CMTM6: variants seen among roughly 807,000 people sequenced by gnomAD.
The protein encoded by CMTM6 is CKLF-like MARVEL transmembrane domain-containing protein 6.
In CMTM6, 5 loss-of-function variants were observed where a neutral mutation model predicts 13.6. The ratio of observed to expected loss-of-function variants is 0.37; its 90% confidence interval spans 0.19 to 0.77. The LOEUF (loss-of-function observed/expected upper bound fraction) is 0.77. Ranked by LOEUF, CMTM6 falls within the 30% of genes least tolerant of loss-of-function variation. The pLI is 0.50. For synonymous variants in CMTM6, 99 were observed against 84.5 expected (o/e 1.17, Z -0.94); for missense variants, 196 against 218.6 (o/e 0.90, Z 0.65).
At chr3:32,496,581 C>G (rs1417374581) in intron 1 of CMTM6, among the ~76,000 whole-genome samples, 3 of 152,108 alleles carry the variant, frequency 2.0e-5, no homozygotes. Flanking sequence ...GAGTAATAAG[C>G]TCAATGTACA....
chr3:32,498,662 G>C, intron 1 of CMTM6, among the ~76,000 whole-genome samples: 1 of 142,666 alleles, frequency 7.0e-6, no homozygotes, highest in South Asian at 2.2e-4. Context: ...GCAGTGGCAC[G>C]ATCTTGGCTC....
At chr3:32,487,097 G>GT (rs1380367698) in intron 3 of CMTM6, among the ~76,000 whole-genome samples, 1 of 152,048 alleles carries the variant, frequency 6.6e-6, no homozygotes, top group East Asian at 1.9e-4. Flanking sequence ...GGACAAGCAA[G>GT]TTTTTTTTCT....
chr3:32,483,983 G>C lies in CMTM6; in HGVS notation c.529C>G (p.Leu177Val). Residue 177 changes from leucine to valine, a missense_variant, in exon 4 of 4, where the codon CTC becomes GTC. By Grantham distance (32) the Leu-to-Val change is conservative. Around this residue, in one of 2 missense-constraint regions of CMTM6, gnomAD observed 111 missense variants for 160.0 expected, o/e 0.69. Coordinates refer to ENST00000205636, the MANE Select transcript of CMTM6 (RefSeq NM_017801.3). Reference protein sequence around the residue: ...KPENTTRAEALTEPLNA With the variant: ...KPENTTRAEAVTEPLNA ...CTTTAGGCATTAAGTGGCTCAGTGAGGGCTTCAGCCCTAGTGGTATTTTCA... is the reference window on the plus strand; with the variant it reads ...CTTTAGGCATTAAGTGGCTCAGTGACGGCTTCAGCCCTAGTGGTATTTTCA... 1.2e-6 allele frequency: 2 copies of C among 1,607,764 alleles called. No individual in the cohort carries two copies.
At chr3:32,484,949 G>A (rs1336542642) in intron 3 of CMTM6, among the ~76,000 whole-genome samples, 1 of 151,578 alleles carries the variant, frequency 6.6e-6, no homozygotes. Flanking sequence ...TTACCACAAA[G>A]TAAACTGAGC....
intron 2 of CMTM6, 33 bp from the exon 3 acceptor site, chr3:32,488,069 A>G (rs1288651493): frequency 1.5e-6 from 2 of 1,365,138 alleles, no homozygotes; most frequent in Non-Finnish European, 2.1e-6. Flanking sequence ...AAAGGAATAC[A>G]ATACAGTTAG....
chr3:32,493,783 C>T (rs755880726), intron 1 of CMTM6, among the ~76,000 whole-genome samples: 2 of 152,168 alleles, frequency 1.3e-5, no homozygotes, highest in Middle Eastern at 3.2e-3. Flanking sequence ...ATCAAGAGTG[C>T]TAAATGCTAC....
intron 1 of CMTM6, among the ~76,000 whole-genome samples, chr3:32,498,728 C>T (rs1055768810): frequency 2.0e-5 from 3 of 151,266 alleles, no homozygotes; most frequent in East Asian, 1.9e-4. Flanking sequence ...TACAGGTGCA[C>T]GCCACAATAC....
At position 32,491,974 on chromosome 3, in the gene CMTM6, C is replaced by G. The variant is rs940055676; in HGVS notation, c.139-88G>C. 50 of 1,069,674 alleles carry G rather than the reference C, an allele frequency of 4.7e-5. 1 individual carries two copies. In the Middle Eastern group the frequency reaches 1.7e-3, roughly 36 times the overall value. 66.3% of individuals were successfully genotyped at this position (1,069,674 alleles called of 1,614,324 possible). ...GCTGTTTCTGAATAATACGTTTACT[C>G]AAATATTTACAATGAGGAGACTATG... On this transcript the variant is annotated intron_variant, in intron 1 of 3. Transcript: ENST00000205636.
rs1697173148 is a variant in CMTM6, at chr3:32,483,404, G to T, written c.*556C>A. Reference sequence around the variant, plus strand: ...TATCCAAAAATATTATAACATTTAAGGCTGAGTGAAATACAGTAAAGCCTG... The same window carrying T: ...TATCCAAAAATATTATAACATTTAATGCTGAGTGAAATACAGTAAAGCCTG... On this transcript the variant is annotated 3_prime_UTR_variant, in exon 4 of 4. Transcript: ENST00000205636. The T allele has an allele frequency of 6.6e-6, 1 of 152,372 alleles. No individual in the cohort carries two copies. The highest frequency in any genetic ancestry group is 1.9e-4 in the East Asian group (1 of 5,202). 9.4% of individuals were successfully genotyped at this position (152,372 alleles called of 1,614,324 possible). A position where few individuals can be genotyped will look rare whatever the true frequency, so the allele number is the denominator to read the frequency against.
chr3:32,497,567 G>A (rs1310531789), intron 1 of CMTM6, among the ~76,000 whole-genome samples: 1 of 144,682 alleles, frequency 6.9e-6, no homozygotes, highest in African/African-American at 2.6e-5. Context: ...AAAGAAAAAA[G>A]TGTAAAAGTT....
chr3:32,485,907 T>TCA (rs1156877733), intron 3 of CMTM6, among the ~76,000 whole-genome samples: 1 of 152,220 alleles, frequency 6.6e-6, no homozygotes, highest in Non-Finnish European at 1.5e-5. Context: ...AGATGGAGTC[T>TCA]CACTCTGTCA....
At chr3:32,486,496 G>A (rs1019900077) in intron 3 of CMTM6, among the ~76,000 whole-genome samples, 1 of 152,024 alleles carries the variant, frequency 6.6e-6, no homozygotes, top group African/African-American at 2.4e-5. Context: ...GGGTACTGTC[G>A]CAGGCCCTCA....
chr3:32,490,892 A>T (rs1697245537), intron 2 of CMTM6, among the ~76,000 whole-genome samples: 3 of 152,216 alleles, frequency 2.0e-5, no homozygotes, highest in African/African-American at 7.2e-5. Flanking sequence ...CTATAAATCA[A>T]CCAGCTCAGA....
chr3:32,486,873 C>G (rs958611478), intron 3 of CMTM6, among the ~76,000 whole-genome samples: 1 of 152,200 alleles, frequency 6.6e-6, no homozygotes, highest in Non-Finnish European at 1.5e-5. Context: ...AGCACCTCCC[C>G]ACTCTCTCTA....
intron 1 of CMTM6, among the ~76,000 whole-genome samples, chr3:32,495,542 G>A (rs1697283189): frequency 6.6e-6 from 1 of 152,094 alleles, no homozygotes; most frequent in Non-Finnish European, 1.5e-5. Context: ...ATATACCTCG[G>A]TTGTATAAAA....
intron 3 of CMTM6, among the ~76,000 whole-genome samples, chr3:32,484,959 C>T (rs1019549660): frequency 1.6e-4 from 25 of 152,106 alleles, no homozygotes; most frequent in Admixed American, 4.6e-4. Context: ...GTAAACTGAG[C>T]TCCAAATTCA....
chr3:32,500,597 G>A (rs1005355032), intron 1 of CMTM6, among the ~76,000 whole-genome samples: 2 of 152,140 alleles, frequency 1.3e-5, no homozygotes, highest in Non-Finnish European at 2.9e-5. Flanking sequence ...GAATGATGGA[G>A]AACTAATAAT....
In CMTM6 at chr3:32,483,967, T is replaced by G. The variant is rs1697179749; in HGVS notation, c.545A>C (p.Asn182Thr). The change falls in exon 4 of 4, where the codon AAT becomes ACT. Residue 182 changes from asparagine to threonine, a missense_variant. This residue lies in a region of CMTM6 where 111 missense variants were observed against 160.0 expected (regional missense o/e 0.69). Coordinates refer to ENST00000205636, the MANE Select transcript of CMTM6 (RefSeq NM_017801.3). ...ATCTGCTCCCCAGAGTCTTTAGGCA[T>G]TAAGTGGCTCAGTGAGGGCTTCAGC... ...TRAEALTEPLNA is the reference protein window; with the variant it reads ...TRAEALTEPLTA 1 of 1,601,942 alleles carries G rather than the reference T, an allele frequency of 6.2e-7. No homozygotes were observed. Among genetic ancestry groups the G allele is most frequent in the African/African-American group, 1.3e-5 (1 of 74,286 alleles).
intron 1 of CMTM6, among the ~76,000 whole-genome samples, chr3:32,495,158 C>T (rs1181989612): frequency 6.6e-6 from 1 of 152,118 alleles, no homozygotes; most frequent in Non-Finnish European, 1.5e-5. Flanking sequence ...ATCCCCACAA[C>T]TGCAAAGAAT....
Sources: allele counts gnomAD v4.1 joint callset (sites outside exome capture counted in the v4.1 genomes callset), GRCh38; gene constraint gnomAD v4.1.1; regional missense constraint gnomAD v4.1.1; transcripts MANE v1.5; gene names NCBI Gene and HGNC (gene_info 2026-07-23, HGNC 2026-07-21).